Variants in PSMB7 observed in about 807,000 individuals in gnomAD.
PSMB7 encodes the protein proteasome subunit beta type-7.
A neutral mutation model predicts 28.1 loss-of-function variants in PSMB7; 5 were observed. That is an observed-to-expected ratio of 0.18 (90% CI 0.09 to 0.37). The LOEUF is 0.37. Among genes scored for constraint, PSMB7 ranks in the 10% least tolerant of loss-of-function variants. The pLI is 1.00. For synonymous variants in PSMB7, 122 were observed against 123.7 expected, an observed-to-expected ratio of 0.99 and a Z score of 0.09; for missense variants, 275 against 346.2, an observed-to-expected ratio of 0.79 and a Z score of 1.63.
rs1196778419 is a variant in PSMB7 at position 124,398,217 on chromosome 9, T to C, written c.511+7100A>G. Among the ~76,000 whole-genome samples the C allele has an allele frequency of 1.1e-4, 16 of 150,016 alleles. No individual in the cohort carries two copies. The East Asian group carries it at 3.1e-3, about 29-fold the overall frequency. ...AATTTTAGCAATTCTGAGTTCTCTCTCAATACCCAACTCCTCACTCCCTCG... is the reference window on the plus strand; with the variant it reads ...AATTTTAGCAATTCTGAGTTCTCTCCCAATACCCAACTCCTCACTCCCTCG... On this transcript the variant is annotated intron_variant, in intron 5 of 7. Transcript: ENST00000259457.
At chr9:124,399,900 C>G (rs1412082816) in intron 5 of PSMB7, among the ~76,000 whole-genome samples, 1 of 152,206 alleles carries the variant, frequency 6.6e-6, no homozygotes, top group Admixed American at 6.5e-5. Context: ...GCTGCTCCTT[C>G]TAACAAGCGA....
At chr9:124,413,193 A>G (rs954598056) in intron 3 of PSMB7, among the ~76,000 whole-genome samples, 3 of 150,620 alleles carry the variant, frequency 2.0e-5, no homozygotes, top group African/African-American at 7.3e-5. Flanking sequence ...AAAAATGTTT[A>G]AAAAAAGGAA....
intron 5 of PSMB7, among the ~76,000 whole-genome samples, chr9:124,392,160 A>G (rs1318680317): frequency 6.6e-6 from 1 of 152,258 alleles, no homozygotes; most frequent in Non-Finnish European, 1.5e-5. Flanking sequence ...TGCCCATGGC[A>G]AGAGTCAATG....
At chr9:124,370,108 C>CAACTCCA (rs1359841685) in intron 6 of PSMB7, among the ~76,000 whole-genome samples, 1 of 152,174 alleles carries the variant, frequency 6.6e-6, no homozygotes, top group Non-Finnish European at 1.5e-5. Flanking sequence ...GGCTTAATGG[C>CAACTCCA]AACTCCAGTG....
chr9:124,369,347 G>T (rs1421167878), intron 6 of PSMB7, among the ~76,000 whole-genome samples: 2 of 152,076 alleles, frequency 1.3e-5, no homozygotes. Flanking sequence ...TGCTGCTGGG[G>T]TCTCATTACA....
chr9:124,379,473 C>T (rs1830643779), intron 6 of PSMB7, among the ~76,000 whole-genome samples: 1 of 152,168 alleles, frequency 6.6e-6, no homozygotes, highest in African/African-American at 2.4e-5. Context: ...TAGAAGACCA[C>T]TCAAGGTAGC....
At chr9:124,372,395 T>C (rs73666875) in intron 6 of PSMB7, among the ~76,000 whole-genome samples, 2,592 of 152,338 alleles carry the variant, frequency 0.017, 85 homozygotes, top group African/African-American at 0.059. Flanking sequence ...ACAAAGCCAA[T>C]ATACCATTTG....
At chr9:124,370,262 G>T (rs1588570383) in intron 6 of PSMB7, among the ~76,000 whole-genome samples, 1 of 148,912 alleles carries the variant, frequency 6.7e-6, no homozygotes, top group Admixed American at 6.7e-5. Flanking sequence ...ATAGCAGAAG[G>T]TATCCAGGGT....
chr9:124,386,553 T>C (rs967521805), intron 5 of PSMB7, among the ~76,000 whole-genome samples: 1 of 152,206 alleles, frequency 6.6e-6, no homozygotes, highest in Non-Finnish European at 1.5e-5. Context: ...CTCCCAGATA[T>C]AGACCAATCC....
At chr9:124,396,072 A>T (rs1026764164) in intron 5 of PSMB7, among the ~76,000 whole-genome samples, 1 of 152,218 alleles carries the variant, frequency 6.6e-6, no homozygotes, top group Non-Finnish European at 1.5e-5. Flanking sequence ...CACGGCTATG[A>T]AGTCCATATA....
At chr9:124,388,735 C>T (rs1830752675) in intron 5 of PSMB7, among the ~76,000 whole-genome samples, 1 of 152,188 alleles carries the variant, frequency 6.6e-6, no homozygotes, top group Admixed American at 6.5e-5. Flanking sequence ...ACCAACACCA[C>T]GCTGCCCATG....
Position 124,353,488 on chromosome 9 carries a change from T to C in PSMB7, c.*110A>G. On this transcript the variant is annotated 3_prime_UTR_variant, in exon 8 of 8. Transcript: ENST00000259457. Reference sequence around the variant, plus strand: ...CCTCAGCTGCCCAATTTGGTTTTTGTTTTTTATTGAGTTGAGTTTCATTCG... The same window carrying C: ...CCTCAGCTGCCCAATTTGGTTTTTGCTTTTTATTGAGTTGAGTTTCATTCG... 1.1e-6 allele frequency: 1 copy of C among 889,918 alleles called. No individual in the cohort carries two copies. Among genetic ancestry groups the C allele is most frequent in the Admixed American group, 2.1e-5 (1 of 46,562 alleles). The allele number at this position is 889,918 out of a possible 1,614,324, so 55.1% of individuals were successfully genotyped here.
intron 4 of PSMB7, among the ~76,000 whole-genome samples, chr9:124,406,074 G>A (rs1412591547): frequency 1.3e-5 from 2 of 152,150 alleles, no homozygotes; most frequent in African/African-American, 4.8e-5. Flanking sequence ...CCCGGTCTCA[G>A]AACCAAATTG....
chr9:124,413,087 G>A (rs532544874), intron 3 of PSMB7, among the ~76,000 whole-genome samples: 93 of 148,368 alleles, frequency 6.3e-4, no homozygotes, highest in African/African-American at 1.8e-3. Context: ...AGACCCAGGC[G>A]GGAGGATCAC....
At chr9:124,402,018 C>A (rs1346221026) in intron 5 of PSMB7, among the ~76,000 whole-genome samples, 266 of 123,602 alleles carry the variant, frequency 2.2e-3, no homozygotes, top group Middle Eastern at 4.2e-3. Context: ...GACTCAGTCT[C>A]AAAAAAAAAA....
chr9:124,380,716 T>C (rs1830655188), intron 6 of PSMB7, among the ~76,000 whole-genome samples: 1 of 152,234 alleles, frequency 6.6e-6, no homozygotes, highest in Non-Finnish European at 1.5e-5. Context: ...ACGTTCTCTA[T>C]CTTCATTTGA....
At chr9:124,399,875 T>C (rs1363247152) in intron 5 of PSMB7, among the ~76,000 whole-genome samples, 1 of 152,016 alleles carries the variant, frequency 6.6e-6, no homozygotes, top group Non-Finnish European at 1.5e-5. Flanking sequence ...ACGCCACTGC[T>C]CCCCACAGCT....
At chr9:124,367,195 A>T (rs1483570322) in intron 6 of PSMB7, among the ~76,000 whole-genome samples, 1 of 152,218 alleles carries the variant, frequency 6.6e-6, no homozygotes, top group Non-Finnish European at 1.5e-5. Context: ...AGCAGCAGCC[A>T]GGTGAAAGTG....
At chr9:124,366,603 A>G (rs1308972776) in intron 6 of PSMB7, among the ~76,000 whole-genome samples, 1 of 152,190 alleles carries the variant, frequency 6.6e-6, no homozygotes, top group East Asian at 1.9e-4. Context: ...GTGTTGATAA[A>G]GTCTACAGTA....
Sources: gnomAD v4.1 joint callset for allele counts (sites outside exome capture counted in the v4.1 genomes callset) on GRCh38, gnomAD v4.1.1 for gene constraint, MANE v1.5 for transcripts, NCBI Gene and HGNC (gene_info 2026-07-23, HGNC 2026-07-21) for gene names.